The following CDKAL1 variants were observed in gnomAD, a reference collection of about 807,000 sequenced individuals.
CDKAL1 encodes threonylcarbamoyladenosine tRNA methylthiotransferase.
A neutral mutation model predicts 68.2 loss-of-function variants in CDKAL1; 32 were observed. That is an observed-to-expected ratio of 0.47 (90% confidence interval 0.35 to 0.63). CDKAL1 has a LOEUF of 0.63. Among genes scored for constraint, CDKAL1 ranks in the 30% least tolerant of loss-of-function variants. CDKAL1 has a pLI of 0.00. For synonymous variants in CDKAL1, 234 were observed against 244.3 expected, an observed-to-expected ratio of 0.96 and a Z score of 0.39; for missense variants, 606 against 696.7, an observed-to-expected ratio of 0.87 and a Z score of 1.47.
intron 4 of CDKAL1, among the ~76,000 whole-genome samples, chr6:20,644,364 T>C (rs1290480277): frequency 6.6e-6 from 1 of 152,104 alleles, no homozygotes; most frequent in Non-Finnish European, 1.5e-5. Flanking sequence ...AATACAAAAC[T>C]GATAGAGTTC....
rs149238860 is a variant in CDKAL1, at chr6:20,541,939, C to T, written c.-5-4407C>T. 1.1e-3 allele frequency among the ~76,000 whole-genome samples: 175 copies of T among 152,324 alleles called. 2 individuals carry two copies. The highest frequency in any genetic ancestry group is 3.9e-3 in the African/African-American group (163 of 41,574). ...CCTCCCAAAGTGTTGGGATTACTGG[C>T]GTGAGCCACCGTTTCCGGCAATTGA... is the stretch of plus-strand genomic sequence containing the variant. On this transcript the variant is annotated intron_variant, in intron 2 of 15. Transcript: ENST00000274695.
intron 5 of CDKAL1, among the ~76,000 whole-genome samples, chr6:20,679,432 A>C (rs1770273703): frequency 6.6e-6 from 1 of 152,122 alleles, no homozygotes; most frequent in Admixed American, 6.5e-5. Flanking sequence ...TTGTACATTC[A>C]TCTTTGGCTT....
intron 4 of CDKAL1, among the ~76,000 whole-genome samples, chr6:20,589,114 C>T (rs1391776246): frequency 6.6e-6 from 1 of 152,020 alleles, no homozygotes; most frequent in Non-Finnish European, 1.5e-5. Flanking sequence ...ACATCTGCAG[C>T]CACACAGAGA....
At chr6:20,687,118 T>C (rs1248622073) in intron 5 of CDKAL1, among the ~76,000 whole-genome samples, 3 of 152,208 alleles carry the variant, frequency 2.0e-5, no homozygotes, top group Admixed American at 2.0e-4. Flanking sequence ...ATATCTATGT[T>C]CATGATAAAT....
At chr6:20,974,636 G>T (rs1765749370) in intron 10 of CDKAL1, among the ~76,000 whole-genome samples, 1 of 151,936 alleles carries the variant, frequency 6.6e-6, no homozygotes, top group Non-Finnish European at 1.5e-5. Context: ...CTCCTTGAAA[G>T]GCTGTTATCG....
In CDKAL1 at chr6:21,088,036, A is replaced by G. The variant is rs550073578; in HGVS notation, c.1237-20365A>G. Reference sequence around the variant, plus strand: ...AGTATTCGGGCAGGAAAACAGGGATATAAGTTCTCATTTTGGGCCACAGTT... The same window carrying G: ...AGTATTCGGGCAGGAAAACAGGGATGTAAGTTCTCATTTTGGGCCACAGTT... On this transcript the variant is annotated intron_variant, in intron 12 of 15. Coordinates refer to ENST00000274695, the MANE Select transcript of CDKAL1 (RefSeq NM_017774.3). Among the ~76,000 whole-genome samples the G allele has an allele frequency of 7.2e-5, 11 of 152,262 alleles. No individual in the cohort carries two copies. In the South Asian group the frequency reaches 1.9e-3, roughly 26 times the overall value.
chr6:20,831,977 C>T (rs1322841438), intron 8 of CDKAL1, among the ~76,000 whole-genome samples: 1 of 152,192 alleles, frequency 6.6e-6, no homozygotes, highest in Non-Finnish European at 1.5e-5. Flanking sequence ...CGCTTCTCAT[C>T]TTCAAGGCTC....
chr6:21,207,240 C>G lies in CDKAL1; in HGVS notation c.1548+5966C>G, dbSNP rs1436832355. ...CTTTAAATTTTTTTTTTTTTAAGTA[C>G]TTTGCAGCCTGATGCAGTGGTTCAC... On this transcript the variant is annotated intron_variant, in intron 15 of 15. Coordinates refer to ENST00000274695, the MANE Select transcript of CDKAL1 (RefSeq NM_017774.3). 2.3e-4 allele frequency among the ~76,000 whole-genome samples: 34 copies of G among 151,002 alleles called. 1 individual carries two copies. The highest frequency in any genetic ancestry group is 2.2e-3 in the Admixed American group (33 of 15,170).
intron 5 of CDKAL1, among the ~76,000 whole-genome samples, chr6:20,736,845 C>G (rs1452659287): frequency 6.6e-6 from 1 of 151,952 alleles, no homozygotes; most frequent in Non-Finnish European, 1.5e-5. Context: ...AATTAATTTC[C>G]TCACCTCCTG....
intron 6 of CDKAL1, among the ~76,000 whole-genome samples, chr6:20,754,220 T>C (rs1774068860): frequency 6.6e-6 from 1 of 152,158 alleles, no homozygotes; most frequent in African/African-American, 2.4e-5. Flanking sequence ...GGCCTTAAAG[T>C]GATCTTCCCA....
intron 10 of CDKAL1, among the ~76,000 whole-genome samples, chr6:20,980,984 A>G (rs764034458): frequency 2.6e-5 from 4 of 152,192 alleles, no homozygotes; most frequent in African/African-American, 4.8e-5. Context: ...GTTACACTCA[A>G]GAGATGGACT....
chr6:21,141,772 GAA>G (rs1328171697), intron 13 of CDKAL1, among the ~76,000 whole-genome samples: 3 of 152,176 alleles, frequency 2.0e-5, no homozygotes, highest in African/African-American at 7.2e-5. Flanking sequence ...TTAAGACTGT[GAA>G]TGGGATATGT....
At chr6:21,195,787 G>A (rs1473253164) in intron 13 of CDKAL1, among the ~76,000 whole-genome samples, 1 of 152,056 alleles carries the variant, frequency 6.6e-6, no homozygotes. Context: ...TGGGATTACA[G>A]GCATGAGCCA....
chr6:21,032,438 A>G (rs993991762), intron 11 of CDKAL1, among the ~76,000 whole-genome samples: 2 of 152,104 alleles, frequency 1.3e-5, no homozygotes, highest in Non-Finnish European at 2.9e-5. Flanking sequence ...ATTTTTATTT[A>G]AAGTTACTTA....
At chr6:20,933,972 G>T (rs553159137) in intron 9 of CDKAL1, among the ~76,000 whole-genome samples, 1 of 149,968 alleles carries the variant, frequency 6.7e-6, no homozygotes, top group Non-Finnish European at 1.5e-5. Flanking sequence ...TACTAATGCC[G>T]GTAACATTCA....
rs145987039 is a variant in CDKAL1 at position 20,702,303 on chromosome 6, G to A, written c.372-37216G>A. Among the ~76,000 whole-genome samples, 333 of 152,278 alleles carry A rather than the reference G, an allele frequency of 2.2e-3. 1 individual carries two copies. Among genetic ancestry groups the A allele is most frequent in the Middle Eastern group, 0.01 (3 of 294 alleles). ...TACAGCTCCTGAAGCCCCAGTAGGC[G>A]TGTGTTACAGGGTGCTTTTTTAGTC... On this transcript the variant is annotated intron_variant, in intron 5 of 15. Transcript: ENST00000274695.
At chr6:21,103,885 A>G (rs544552489) in intron 12 of CDKAL1, among the ~76,000 whole-genome samples, 1 of 152,196 alleles carries the variant, frequency 6.6e-6, no homozygotes, top group Non-Finnish European at 1.5e-5. Context: ...GACATACACT[A>G]TGATGCAATA....
Position 20,964,358 on chromosome 6 carries a change from G to A in CDKAL1, c.909+8773G>A, listed in dbSNP as rs933913867. Among the ~76,000 whole-genome samples the A allele has an allele frequency of 3.8e-4, 58 of 152,268 alleles. 1 individual carries two copies. Among genetic ancestry groups the A allele is most frequent in the Non-Finnish European group, 4.4e-5 (3 of 68,020 alleles). On this transcript the variant is annotated intron_variant, in intron 10 of 15. Transcript: ENST00000274695. ...CATTCTGTTATAAAGTCACATGCGT[G>A]GGTATGTTCATAGGAGCAGTATTCA...
intron 5 of CDKAL1, among the ~76,000 whole-genome samples, chr6:20,724,745 A>G (rs1772564411): frequency 6.6e-6 from 1 of 152,196 alleles, no homozygotes; most frequent in African/African-American, 2.4e-5. Context: ...TCCACCTGAA[A>G]TCAGATTGGG....
Sources: gnomAD v4.1 joint callset for allele counts (sites outside exome capture counted in the v4.1 genomes callset) on GRCh38, gnomAD v4.1.1 for gene constraint, MANE v1.5 for transcripts, NCBI Gene and HGNC (gene_info 2026-07-23, HGNC 2026-07-21) for gene names.